Variants in SFMBT1 observed in about 807,000 individuals in gnomAD.
SFMBT1 encodes the protein scm-like with four MBT domains protein 1.
A neutral mutation model predicts 108.7 loss-of-function variants in SFMBT1; 32 were observed. The observed-to-expected ratio is 0.29, with a 90% confidence interval of 0.22 to 0.40. SFMBT1 has a LOEUF of 0.40. Ranked by LOEUF, SFMBT1 falls within the 10% of genes least tolerant of loss-of-function variation. The pLI, the probability that SFMBT1 is intolerant of heterozygous loss-of-function variation, is 1.00. For synonymous variants in SFMBT1, 348 were observed against 369.5 expected (o/e 0.94, Z 0.67); for missense variants, 816 against 1,059.6 (o/e 0.77, Z 3.19).
chr3:52,995,966 G>A (rs1698312305), intron 1 of SFMBT1, among the ~76,000 whole-genome samples: 2 of 148,576 alleles, frequency 1.3e-5, no homozygotes, highest in Admixed American at 1.4e-4. Context: ...AGTTACTTAG[G>A]AGGCTGAGGC....
chr3:53,018,333 C>T (rs1699194185), intron 1 of SFMBT1: 1 of 152,144 alleles, frequency 6.6e-6, no homozygotes, highest in Non-Finnish European at 1.5e-5. Flanking sequence ...AGGCCAAGAA[C>T]TTCCTTTATT....
chr3:53,010,698 T>C (rs1698912168), intron 1 of SFMBT1, among the ~76,000 whole-genome samples: 2 of 152,212 alleles, frequency 1.3e-5, no homozygotes, highest in South Asian at 4.1e-4. Context: ...AGTACCTGAC[T>C]GAGAAAGTGA....
chr3:52,932,034 A>G (rs1386727306), intron 6 of SFMBT1, 28 bp downstream of exon 6: 3 of 1,601,316 alleles, frequency 1.9e-6, no homozygotes, highest in South Asian at 1.1e-5. Context: ...TTAATGTCAC[A>G]GAAGAAAAAT....
intron 1 of SFMBT1, among the ~76,000 whole-genome samples, chr3:53,037,181 G>A (rs1221894315): frequency 1.3e-5 from 2 of 152,170 alleles, no homozygotes; most frequent in Admixed American, 6.5e-5. Flanking sequence ...GACTGGCTGC[G>A]GGATCATGCA....
chr3:52,909,661 G>C (rs1228896125), intron 17 of SFMBT1, among the ~76,000 whole-genome samples: 1 of 152,114 alleles, frequency 6.6e-6, no homozygotes. Flanking sequence ...ATCCCTAAAA[G>C]AAATCTTTCC....
rs187276261 is a variant in SFMBT1 at position 52,925,015 on chromosome 3, G to A, written c.1131+1016C>T. Among the ~76,000 whole-genome samples, 642 of 152,238 alleles carry A rather than the reference G, an allele frequency of 4.2e-3. 13 individuals are homozygous for A. In the South Asian group the frequency reaches 0.045, roughly 11 times the overall value. Reference sequence around the variant, plus strand: ...GTGGGCAGATCACTTGAGGTCAGGAGTTCGAGACCAGCCTGGCCAACATGG... The same window carrying A: ...GTGGGCAGATCACTTGAGGTCAGGAATTCGAGACCAGCCTGGCCAACATGG... On this transcript the variant is annotated intron_variant, in intron 10 of 20. Transcript: ENST00000394752.
At chr3:52,907,831 T>G in intron 17 of SFMBT1, 98 bp from the exon 18 acceptor site, 2 of 1,087,376 alleles carry the variant, frequency 1.8e-6, no homozygotes, top group Admixed American at 5.5e-5. Flanking sequence ...AACAGGTACA[T>G]TGTATTTGAT....
At chr3:53,028,293 G>A (rs989226542) in intron 1 of SFMBT1, among the ~76,000 whole-genome samples, 3 of 152,176 alleles carry the variant, frequency 2.0e-5, no homozygotes, top group Admixed American at 1.3e-4. Context: ...TGTTGCCCAT[G>A]CTGGTCTCGA....
chr3:53,013,398 T>C (rs1559549521), intron 1 of SFMBT1, among the ~76,000 whole-genome samples: 1 of 151,550 alleles, frequency 6.6e-6, no homozygotes. Flanking sequence ...AGTGGTATTG[T>C]ATGGCTAAGT....
chr3:52,920,945 T>C (rs1005697456), intron 11 of SFMBT1, among the ~76,000 whole-genome samples: 1 of 152,224 alleles, frequency 6.6e-6, no homozygotes, highest in African/African-American at 2.4e-5. Context: ...TTCAGATGGT[T>C]AATAAATATC....
rs1197840398 is a variant in SFMBT1, at chr3:52,954,406, C to T, written c.34G>A (p.Gly12Ser). Reference sequence around the variant, plus strand: ...AATTCTACCTCTTCCATACCAGAGCCGGCATCTAGAATTAAAAATAAAACA... The same window carrying T: ...AATTCTACCTCTTCCATACCAGAGCTGGCATCTAGAATTAAAAATAAAACA... ...NGEQQLDADA[G>S]SGMEEVELSW... The change falls in exon 3 of 21, where the codon GGC (glycine) becomes AGC (serine). Residue 12 changes from glycine to serine, a missense_variant. Physicochemically the swap from Gly to Ser is moderately conservative, Grantham distance 56. Coordinates refer to ENST00000394752, the MANE Select transcript of SFMBT1 (RefSeq NM_016329.4). The T allele has an allele frequency of 3.7e-6, 6 of 1,611,510 alleles. No homozygotes were observed. The highest frequency in any genetic ancestry group is 3.4e-5 in the Admixed American group (2 of 59,514).
Position 52,930,976 on chromosome 3 carries a change from CCTCTTT to C in SFMBT1, c.754_759del (p.Lys252_Glu253del). 6.2e-7 allele frequency: 1 copy of C among 1,614,052 alleles called. No homozygotes were observed. Among genetic ancestry groups the C allele is most frequent in the Non-Finnish European group, 8.5e-7 (1 of 1,179,952 alleles). On this transcript the variant is annotated inframe_deletion, in exon 7 of 21. Transcript: ENST00000394752. Reference sequence around the variant, plus strand: ...TAAGATGGTAATGGCTCTTCCTCTTCCTCTTTCACTTTGGCCAAAATCTCTTGCCAC... The same window carrying C: ...TAAGATGGTAATGGCTCTTCCTCTTCCACTTTGGCCAAAATCTCTTGCCAC...
At chr3:53,025,507 C>T (rs1325104527) in intron 1 of SFMBT1, among the ~76,000 whole-genome samples, 1 of 152,024 alleles carries the variant, frequency 6.6e-6, no homozygotes, top group Non-Finnish European at 1.5e-5. Flanking sequence ...GTCCCAGCTA[C>T]TTGGGAAGCT....
chr3:53,031,540 T>G (rs563802009), intron 1 of SFMBT1, among the ~76,000 whole-genome samples: 40 of 151,422 alleles, frequency 2.6e-4, no homozygotes, highest in African/African-American at 9.7e-4. Context: ...TATGACAAAA[T>G]ACTAGTTTCT....
At chr3:52,992,244 C>G (rs1036015752) in intron 1 of SFMBT1, among the ~76,000 whole-genome samples, 4 of 152,216 alleles carry the variant, frequency 2.6e-5, no homozygotes, top group Admixed American at 6.5e-5. Flanking sequence ...GCCTCACCTT[C>G]CTAGTCCCTC....
rs553440153 is a variant in SFMBT1, at chr3:53,029,932, C to G, written c.-131+15884G>C. 2.0e-5 allele frequency among the ~76,000 whole-genome samples: 3 copies of G among 151,554 alleles called. No homozygotes were observed. In the East Asian group the frequency reaches 5.8e-4, roughly 29 times the overall value. On this transcript the variant is annotated intron_variant, in intron 1 of 20. Transcript: ENST00000394752. The stretch of plus-strand genomic sequence containing the variant: ...GGGAGGCTGGAGAACAGTCTACCCC[C>G]ACAAATACACTAACTTAGAAAAAAA...
intron 1 of SFMBT1, chr3:53,018,300 G>A (rs1488508345): frequency 6.6e-6 from 1 of 152,138 alleles, no homozygotes; most frequent in Non-Finnish European, 1.5e-5. Flanking sequence ...AAGAAAAAAA[G>A]TTAGTTCTGC....
At chr3:52,950,565 C>T (rs1703539259) in intron 3 of SFMBT1, among the ~76,000 whole-genome samples, 1 of 152,140 alleles carries the variant, frequency 6.6e-6, no homozygotes, top group Admixed American at 6.5e-5. Flanking sequence ...ACCTCCGCCT[C>T]CCAGATTCAA....
At chr3:53,033,086 T>C (rs1211438754) in intron 1 of SFMBT1, among the ~76,000 whole-genome samples, 1 of 152,038 alleles carries the variant, frequency 6.6e-6, no homozygotes, top group East Asian at 1.9e-4. Context: ...GGTAGGAGGA[T>C]CGTTTGAGGC....
Sources: allele counts gnomAD v4.1 joint callset (sites outside exome capture counted in the v4.1 genomes callset), GRCh38; gene constraint gnomAD v4.1.1; transcripts MANE v1.5; gene names NCBI Gene and HGNC (gene_info 2026-07-23, HGNC 2026-07-21).